FRMD7: variants seen among roughly 807,000 people sequenced by gnomAD.
FRMD7 encodes FERM domain containing 7, also known as FERM domain-containing protein 7.
FRMD7 carries 14 observed loss-of-function variants against 44.1 expected under a neutral mutation model. The observed-to-expected ratio is 0.32, with a 90% CI of 0.21 to 0.50. The LOEUF (loss-of-function observed/expected upper bound fraction) is 0.50, where lower values mean the gene tolerates loss of function less well. Among genes scored for constraint, FRMD7 ranks in the 20% least tolerant of loss-of-function variants. FRMD7 has a pLI of 0.99. For synonymous variants in FRMD7, 212 were observed against 187.4 expected (o/e 1.13, Z -1.07); for missense variants, 501 against 522.3 (o/e 0.96, Z 0.40).
intron 1 of FRMD7, among the ~76,000 whole-genome samples, chrX:132,113,854 G>A (rs1928836400): frequency 1.8e-5 from 2 of 110,797 alleles, no homozygotes; most frequent in African/African-American, 3.3e-5. Flanking sequence ...TCACCTTGTT[G>A]TGCTATCAAA....
intron 1 of FRMD7, among the ~76,000 whole-genome samples, chrX:132,112,523 T>C (rs930009328): frequency 8.9e-6 from 1 of 111,885 alleles, no homozygotes; most frequent in African/African-American, 3.3e-5. Flanking sequence ...GCCTTTTAGA[T>C]GCTTGTGCAC....
intron 1 of FRMD7, among the ~76,000 whole-genome samples, chrX:132,120,701 C>A (rs1335776631): frequency 8.9e-6 from 1 of 112,519 alleles, no homozygotes; most frequent in Non-Finnish European, 1.9e-5. Flanking sequence ...CATGTGACAG[C>A]AGGAGATGTG....
chrX:132,093,581 T>C (rs1334803316), intron 5 of FRMD7, among the ~76,000 whole-genome samples: 2 of 112,507 alleles, frequency 1.8e-5, no homozygotes, highest in Admixed American at 9.4e-5. Context: ...CCTTTTAACC[T>C]CTCTCCACCT....
chrX:132,088,572 G>A (rs866429374), intron 5 of FRMD7, among the ~76,000 whole-genome samples: 1 of 106,600 alleles, frequency 9.4e-6, no homozygotes. Context: ...AAAAAAAAAG[G>A]AAAAAAAGGA....
chrX:132,123,232 G>A (rs780187444), intron 1 of FRMD7, among the ~76,000 whole-genome samples: 1 of 111,707 alleles, frequency 9.0e-6, no homozygotes, highest in East Asian at 2.8e-4. Context: ...AATAGCCTAA[G>A]TGACTTACCC....
intron 5 of FRMD7, among the ~76,000 whole-genome samples, chrX:132,086,661 G>GAA (rs768288026): frequency 0.066 from 6,222 of 93,638 alleles, 217 homozygotes; most frequent in African/African-American, 0.13. Context: ...AAGGCCTCAG[G>GAA]AAAAAAAAAA....
intron 1 of FRMD7, among the ~76,000 whole-genome samples, chrX:132,120,116 A>G (rs1336248981): frequency 5.4e-5 from 6 of 112,107 alleles, no homozygotes; most frequent in African/African-American, 1.9e-4. Context: ...ATTTGGACTC[A>G]GCTCAGTCAG....
chrX:132,092,583 A>G (rs983485838), intron 5 of FRMD7, among the ~76,000 whole-genome samples: 4 of 111,997 alleles, frequency 3.6e-5, no homozygotes, highest in Non-Finnish European at 7.5e-5. Flanking sequence ...ACTGACAGAC[A>G]ATATCCTCTA....
intron 4 of FRMD7, among the ~76,000 whole-genome samples, chrX:132,094,958 G>T (rs1928283718): frequency 9.0e-6 from 1 of 111,465 alleles, no homozygotes; most frequent in African/African-American, 3.3e-5. Context: ...TTATGAAAAA[G>T]TCATTTTCAA....
chrX:132,112,470 T>C (rs1292187784), intron 1 of FRMD7, among the ~76,000 whole-genome samples: 1 of 111,856 alleles, frequency 8.9e-6, no homozygotes, highest in Non-Finnish European at 1.9e-5. Flanking sequence ...ACAGTTTGAC[T>C]GGGTACTTAA....
chrX:132,094,222 T>C, intron 4 of FRMD7, 83 bp from the exon 5 acceptor site: 2 of 631,154 alleles, frequency 3.2e-6, no homozygotes, highest in Middle Eastern at 3.1e-4. Context: ...TCCAAGATGA[T>C]TCAAGAAAGG....
chrX:132,087,644 A>G (rs1387966705), intron 5 of FRMD7, among the ~76,000 whole-genome samples: 3 of 111,638 alleles, frequency 2.7e-5, no homozygotes, highest in African/African-American at 9.8e-5. Flanking sequence ...ATAAATACCA[A>G]TTCTTCACAA....
At chrX:132,118,745 C>A (rs757269679) in intron 1 of FRMD7, among the ~76,000 whole-genome samples, 1 of 111,446 alleles carries the variant, frequency 9.0e-6, no homozygotes, top group Non-Finnish European at 1.9e-5. Context: ...AGTCTCTCAT[C>A]GCTCTCTCTC....
intron 1 of FRMD7, among the ~76,000 whole-genome samples, chrX:132,102,718 C>G (rs959145244): frequency 4.9e-4 from 55 of 111,595 alleles, no homozygotes; most frequent in African/African-American, 1.7e-3. Context: ...TCATGAGGAC[C>G]AAATTCCATC....
intron 6 of FRMD7, 25 bp from the exon 7 acceptor site, chrX:132,085,753 C>T: frequency 8.4e-7 from 1 of 1,189,571 alleles, no homozygotes; most frequent in South Asian, 1.8e-5. Flanking sequence ...AATTTATGAG[C>T]CTAATAAATG....
At position 132,127,944 on chromosome X, in the gene FRMD7, C is replaced by G. The variant is rs1057515772; in HGVS notation, c.-100G>C. The G allele has an allele frequency of 1.5e-6, 1 of 684,897 alleles. No homozygotes were observed. The highest frequency in any genetic ancestry group is 3.2e-5 in the East Asian group (1 of 30,900). 56.4% of individuals were successfully genotyped at this position (684,897 alleles called of 1,213,427 possible). A position where few individuals can be genotyped will look rare whatever the true frequency, so the allele number is the denominator to read the frequency against. ...TGGATGTGGTGCACTCGGGCCCCCC[C>G]ACCCCCAGCCAGGCATTCCCACTGT... On this transcript the variant is annotated 5_prime_UTR_variant, in exon 1 of 12. Transcript: ENST00000298542.
chrX:132,082,983 C>G (rs1927867571), intron 8 of FRMD7, among the ~76,000 whole-genome samples: 1 of 112,045 alleles, frequency 8.9e-6, no homozygotes, highest in Non-Finnish European at 1.9e-5. Flanking sequence ...CAAGGTGTCA[C>G]TCTGTTGCCC....
intron 1 of FRMD7, among the ~76,000 whole-genome samples, chrX:132,111,832 G>A (rs1928784951): frequency 8.9e-6 from 1 of 111,867 alleles, no homozygotes; most frequent in Non-Finnish European, 1.9e-5. Flanking sequence ...GCCATCTGGT[G>A]AAATCTTGGT....
intron 3 of FRMD7, among the ~76,000 whole-genome samples, chrX:132,098,166 AT>A (rs1928398323): frequency 8.9e-6 from 1 of 112,428 alleles, no homozygotes; most frequent in South Asian, 3.7e-4. Flanking sequence ...TCCCAGTTCA[AT>A]TTGAATTTCA....
Sources: allele counts gnomAD v4.1 joint callset (sites outside exome capture counted in the v4.1 genomes callset), GRCh38; gene constraint gnomAD v4.1.1; transcripts MANE v1.5; gene names NCBI Gene and HGNC (gene_info 2026-07-23, HGNC 2026-07-21).